CNTN1: variants seen among roughly 807,000 people sequenced by gnomAD.
The protein encoded by CNTN1 is contactin-1.
In CNTN1, 38 loss-of-function variants were observed where a neutral mutation model predicts 126.4. That is an observed-to-expected ratio of 0.30 (90% CI 0.23 to 0.39). The LOEUF is 0.39. Ranked by LOEUF, CNTN1 falls within the 10% of genes least tolerant of loss-of-function variation. The pLI, the probability that CNTN1 is intolerant of heterozygous loss-of-function variation, is 1.00. For synonymous variants in CNTN1, 413 were observed against 422.6 expected (o/e 0.98, Z 0.28); for missense variants, 1,009 against 1,248.4 (o/e 0.81, Z 2.89).
chr12:40,819,069 C>T (rs1416454139), intron 1 of CNTN1, among the ~76,000 whole-genome samples: 1 of 152,076 alleles, frequency 6.6e-6, no homozygotes, highest in Non-Finnish European at 1.5e-5. Context: ...TCTTCTGGGA[C>T]CTCTGCCCTT....
chr12:40,786,109 G>T (rs6581955), intron 1 of CNTN1, among the ~76,000 whole-genome samples: 1 of 152,152 alleles, frequency 6.6e-6, no homozygotes, highest in African/African-American at 2.4e-5. Context: ...GACTAAAATC[G>T]AGGTATTGTT....
intron 23 of CNTN1, among the ~76,000 whole-genome samples, chr12:41,039,264 G>A (rs1043514684): frequency 6.6e-6 from 1 of 151,580 alleles, no homozygotes; most frequent in African/African-American, 2.4e-5. Flanking sequence ...CTGGAAACAG[G>A]GGGATCAGTT....
chr12:40,763,409 A>T (rs1376921471), intron 1 of CNTN1, among the ~76,000 whole-genome samples: 10 of 152,232 alleles, frequency 6.6e-5, no homozygotes, highest in Admixed American at 5.2e-4. Context: ...AGGTTAAGTA[A>T]TATATTTATT....
rs1946186278 is a variant in CNTN1, at chr12:40,939,338, T to G, written c.1232T>G (p.Leu411Trp). ...YANAELKILA[L>W]APTFEMNPMK... is the part of the protein sequence containing the mutation. ...TAACAATTTGTTTTCTTTTTAGCGTTGGCTCCAACTTTTGAAATGAATCCT... is the reference window on the plus strand; with the variant it reads ...TAACAATTTGTTTTCTTTTTAGCGTGGGCTCCAACTTTTGAAATGAATCCT... Residue 411 changes from leucine to tryptophan, a missense_variant, in exon 12 of 24, where the codon TTG (leucine) becomes TGG (tryptophan). Transcript: ENST00000551295. 3 of 1,613,842 alleles carry G rather than the reference T, an allele frequency of 1.9e-6. No homozygotes were observed. The highest frequency in any genetic ancestry group is 2.5e-6 in the Non-Finnish European group (3 of 1,179,904).
At position 40,924,538 on chromosome 12, in the gene CNTN1, T is replaced by G; in HGVS notation, c.401-19T>G. 1 of 1,367,476 alleles carries G rather than the reference T, an allele frequency of 7.3e-7. No homozygotes were observed. Among genetic ancestry groups the G allele is most frequent in the Non-Finnish European group, 1.0e-6 (1 of 958,634 alleles). The allele number at this position is 1,367,476 out of a possible 1,614,324, so 84.7% of individuals were successfully genotyped here. On this transcript the variant is annotated intron_variant, in intron 5 of 23. Transcript: ENST00000551295. ...TTGACCAGAGAGTGAATGTTTCTCT[T>G]TTTTTCTTTCGTAATTAGATCTTGA... is the stretch of plus-strand genomic sequence containing the variant.
chr12:41,059,915 A>G (rs1949904262), intron 23 of CNTN1, among the ~76,000 whole-genome samples: 1 of 152,050 alleles, frequency 6.6e-6, no homozygotes, highest in African/African-American at 2.4e-5. Context: ...AATCCCATCT[A>G]CTCAGAAGGC....
At chr12:40,742,320 G>A (rs1596539) in intron 1 of CNTN1, 146,701 of 152,206 alleles carry the variant, frequency 0.96, 70,775 homozygotes, top group Non-Finnish European at 0.99. Context: ...TGGTAGAGTG[G>A]TATTTCACCA....
chr12:40,943,344 A>G (rs1300506439), intron 12 of CNTN1, among the ~76,000 whole-genome samples: 1 of 152,034 alleles, frequency 6.6e-6, no homozygotes, highest in Non-Finnish European at 1.5e-5. Context: ...CCTGTCCCAT[A>G]GTGGAAGGTC....
At chr12:40,775,389 C>T (rs1442427245) in intron 1 of CNTN1, among the ~76,000 whole-genome samples, 1 of 151,168 alleles carries the variant, frequency 6.6e-6, no homozygotes, top group African/African-American at 2.4e-5. Flanking sequence ...GATATAATTA[C>T]CTAGAGGCCT....
At chr12:40,960,306 A>G (rs1011765897) in intron 15 of CNTN1, among the ~76,000 whole-genome samples, 1 of 151,566 alleles carries the variant, frequency 6.6e-6, no homozygotes, top group Admixed American at 6.6e-5. Flanking sequence ...TAAAATTACT[A>G]TTTTTTCACA....
At chr12:40,805,183 G>A (rs1940801050) in intron 1 of CNTN1, among the ~76,000 whole-genome samples, 1 of 151,898 alleles carries the variant, frequency 6.6e-6, no homozygotes, top group Non-Finnish European at 1.5e-5. Flanking sequence ...GAGCTTCTTG[G>A]ATATGCGGTT....
At chr12:41,065,886 A>C (rs181371774) in intron 23 of CNTN1, among the ~76,000 whole-genome samples, 16 of 152,348 alleles carry the variant, frequency 1.1e-4, no homozygotes, top group African/African-American at 3.8e-4. Context: ...TTTCTGCCTC[A>C]GCTGATTTTC....
At chr12:41,049,184 A>G (rs1244035237) in intron 23 of CNTN1, among the ~76,000 whole-genome samples, 1 of 152,140 alleles carries the variant, frequency 6.6e-6, no homozygotes. Context: ...TGAACTTTAA[A>G]GTCTCCCAGG....
In CNTN1 at chr12:40,929,941, C is replaced by T; in HGVS notation, c.642C>T (p.Ser214=). ...SDKGNYSCFV[S]SPSITKSVFS... Reference sequence around the variant, plus strand: ...AAGGCAATTATTCCTGCTTTGTTTCCAGTCCTTCTATTACAAAGAGCGTGT... The same window carrying T: ...AAGGCAATTATTCCTGCTTTGTTTCTAGTCCTTCTATTACAAAGAGCGTGT... The change falls in exon 7 of 24, where the codon TCC becomes TCT. Residue 214 remains serine (S), a synonymous_variant. Coordinates refer to ENST00000551295, the MANE Select transcript of CNTN1 (RefSeq NM_001843.4). 2 of 1,612,916 alleles carry T rather than the reference C, an allele frequency of 1.2e-6. No homozygotes were observed. Among genetic ancestry groups the T allele is most frequent in the South Asian group, 1.1e-5 (1 of 91,056 alleles).
At chr12:40,969,479 T>C (rs1346147311) in intron 15 of CNTN1, among the ~76,000 whole-genome samples, 1 of 152,136 alleles carries the variant, frequency 6.6e-6, no homozygotes, top group East Asian at 1.9e-4. Flanking sequence ...CCCCATTAGA[T>C]CAGAGCAGCA....
At chr12:40,819,874 C>T (rs201707641) in intron 1 of CNTN1, among the ~76,000 whole-genome samples, 3 of 152,142 alleles carry the variant, frequency 2.0e-5, no homozygotes, top group South Asian at 4.1e-4. Flanking sequence ...AGCTGGGTAT[C>T]GTGCTCACTC....
intron 6 of CNTN1, among the ~76,000 whole-genome samples, chr12:40,924,883 T>C (rs1565959989): frequency 7.0e-6 from 1 of 143,548 alleles, no homozygotes. Flanking sequence ...TTTATAAACA[T>C]ATATATATAT....
At chr12:40,913,824 C>A (rs904555518) in intron 3 of CNTN1, among the ~76,000 whole-genome samples, 5 of 152,068 alleles carry the variant, frequency 3.3e-5, no homozygotes, top group African/African-American at 1.2e-4. Flanking sequence ...AATATGACTG[C>A]AAATATTCTT....
intron 1 of CNTN1, among the ~76,000 whole-genome samples, chr12:40,897,688 G>A (rs17621281): frequency 0.021 from 3,138 of 152,110 alleles, 31 homozygotes; most frequent in Middle Eastern, 0.034. Context: ...TCTCTGTATA[G>A]CCCAAGACCG....
Sources: allele counts gnomAD v4.1 joint callset (sites outside exome capture counted in the v4.1 genomes callset), GRCh38; gene constraint gnomAD v4.1.1; transcripts MANE v1.5; gene names NCBI Gene and HGNC (gene_info 2026-07-23, HGNC 2026-07-21).